The following EMC8 variants were observed in gnomAD, a reference collection of about 807,000 sequenced individuals.
EMC8 encodes the protein ER membrane protein complex subunit 8.
Under a neutral mutation model 24.3 loss-of-function variants are expected in EMC8, and 11 were observed. The observed-to-expected ratio is 0.45, with a 90% confidence interval of 0.28 to 0.75. EMC8 has a LOEUF of 0.75. Among genes scored for constraint, EMC8 ranks in the 30% least tolerant of loss-of-function variants. The pLI is 0.12. For missense variants in EMC8, 277 were observed against 282.7 expected, an observed-to-expected ratio of 0.98 and a Z score of 0.14; for synonymous variants, 145 against 117.7, an observed-to-expected ratio of 1.23 and a Z score of -1.50.
At chr16:85,783,644 T>C (rs301171) in intron 2 of EMC8, among the ~76,000 whole-genome samples, 103,945 of 152,094 alleles carry the variant, frequency 0.68, 37,231 homozygotes, top group Non-Finnish European at 0.8. Context: ...TGAGCTACCG[T>C]GTGCAGCCAC....
chr16:85,786,193 G>A (rs190824981), intron 2 of EMC8, among the ~76,000 whole-genome samples: 6 of 152,344 alleles, frequency 3.9e-5, no homozygotes, highest in African/African-American at 1.2e-4. Flanking sequence ...CAGGGCCACA[G>A]AGGCCCAAGG....
chr16:85,796,143 C>T (rs1354467669), intron 1 of EMC8, among the ~76,000 whole-genome samples: 1 of 152,128 alleles, frequency 6.6e-6, no homozygotes, highest in Non-Finnish European at 1.5e-5. Flanking sequence ...CATTCTTCAC[C>T]TTTCAACCTA....
At chr16:85,786,660 A>G (rs1904768118) in intron 2 of EMC8, among the ~76,000 whole-genome samples, 1 of 152,190 alleles carries the variant, frequency 6.6e-6, no homozygotes, top group Non-Finnish European at 1.5e-5. Flanking sequence ...GGATGCATTT[A>G]AAAGTCAGTA....
chr16:85,791,881 C>T (rs1024745626), intron 1 of EMC8, among the ~76,000 whole-genome samples: 4 of 152,182 alleles, frequency 2.6e-5, no homozygotes, highest in Non-Finnish European at 5.9e-5. Flanking sequence ...ACCCTCAAGC[C>T]CTTAACTTAA....
rs1313152754 is a variant in EMC8, at chr16:85,789,027, A to G, written c.255T>C (p.His85=). The G allele has an allele frequency of 6.2e-7, 1 of 1,613,784 alleles. No individual in the cohort carries two copies. Among genetic ancestry groups the G allele is most frequent in the South Asian group, 1.1e-5 (1 of 91,082 alleles). ...LTLIDSWCKD[H]SYVIAGYYQA... ...GATAATAACCAGCAATCACGTAGCT[A>G]TGATCTTTGCACCATGAATCAATCT... Residue 85 remains histidine, a synonymous_variant, in exon 2 of 5, where the codon CAT becomes CAC. Coordinates refer to ENST00000253457, the MANE Select transcript of EMC8 (RefSeq NM_006067.5).
chr16:85,791,601 G>A (rs1184180550), intron 1 of EMC8, among the ~76,000 whole-genome samples: 1 of 152,200 alleles, frequency 6.6e-6, no homozygotes, highest in African/African-American at 2.4e-5. Flanking sequence ...TGCTGAGGAT[G>A]ATGCCAGCCA....
At position 85,779,700 on chromosome 16, in the gene EMC8, G is replaced by A. The variant is rs1904398544; in HGVS notation, c.*8C>T. ...AAAGGCCCGGAGCCCAGTCACAGCG[G>A]TGCCTGCCTAGCACAAGTGTAGGAC... On this transcript the variant is annotated 3_prime_UTR_variant, in exon 5 of 5. Coordinates refer to ENST00000253457, the MANE Select transcript of EMC8 (RefSeq NM_006067.5). The A allele has an allele frequency of 8.7e-6, 14 of 1,613,662 alleles. No individual in the cohort carries two copies. The highest frequency in any genetic ancestry group is 1.1e-5 in the Non-Finnish European group (13 of 1,179,660).
At position 85,789,474 on chromosome 16, in the gene EMC8, A is replaced by C. The variant is rs1419773320; in HGVS notation, c.232-424T>G. On this transcript the variant is annotated intron_variant, in intron 1 of 4. Transcript: ENST00000253457. ...CACAACCAGATAGAAACAGAGCCAGAAGGGAATCTCAGTCTCTTTCAAAAC... is the reference window on the plus strand; with the variant it reads ...CACAACCAGATAGAAACAGAGCCAGCAGGGAATCTCAGTCTCTTTCAAAAC... Among the ~76,000 whole-genome samples the C allele has an allele frequency of 5.9e-5, 9 of 152,292 alleles. No individual in the cohort carries two copies. In the East Asian group the frequency reaches 1.7e-3, roughly 29 times the overall value.
chr16:85,798,125 T>G (rs905716165), intron 1 of EMC8, among the ~76,000 whole-genome samples: 1 of 141,254 alleles, frequency 7.1e-6, no homozygotes, highest in Non-Finnish European at 1.5e-5. Context: ...TTTTTTTTTT[T>G]TTTTTTTTTT....
chr16:85,795,565 C>T (rs555047027), intron 1 of EMC8, among the ~76,000 whole-genome samples: 1 of 152,192 alleles, frequency 6.6e-6, no homozygotes, highest in South Asian at 2.1e-4. Context: ...AGGAGAGGGT[C>T]CCCCCTAGAC....
chr16:85,788,862 G>A (rs1904873610), intron 2 of EMC8, 112 bp downstream of exon 2: 2 of 767,916 alleles, frequency 2.6e-6, no homozygotes, highest in Non-Finnish European at 2.4e-6. Context: ...AGCACAGAGG[G>A]AAGGGGTGTA....
Position 85,799,528 on chromosome 16 carries a change from C to G in EMC8, c.-233G>C, listed in dbSNP as rs1254212117. ...CCAGACTCCAGTCGCGCTTCTCGCC[C>G]GGCGCCGCCGGAAAGCAGCCTCTCC... On this transcript the variant is annotated 5_prime_UTR_variant, in exon 1 of 5. Transcript: ENST00000253457. The surrounding 1 kb of genome is among the most constrained non-coding windows in gnomAD (Gnocchi z 4.2). 2.6e-6 allele frequency: 1 copy of G among 378,792 alleles called. No homozygotes were observed. The highest frequency in any genetic ancestry group is 2.1e-5 in the African/African-American group (1 of 47,500). 23.5% of individuals were successfully genotyped at this position (378,792 alleles called of 1,614,324 possible).
At chr16:85,781,079 C>A in intron 3 of EMC8, 132 bp downstream of exon 3, 1 of 652,276 alleles carries the variant, frequency 1.5e-6, no homozygotes, top group South Asian at 1.8e-5. Flanking sequence ...GAGAAAACTG[C>A]AAGAGGCGGC....
At chr16:85,780,528 G>A (rs775479701) in intron 3 of EMC8, 55 bp from the exon 4 acceptor site, 240 of 1,346,764 alleles carry the variant, frequency 1.8e-4, no homozygotes, top group Non-Finnish European at 2.3e-4. Flanking sequence ...AAACAGCAGC[G>A]GCAGGCGCCT....
chr16:85,799,013 C>G lies in EMC8; in HGVS notation c.231+52G>C. The G allele has an allele frequency of 7.7e-7, 1 of 1,293,446 alleles. No homozygotes were observed. Among genetic ancestry groups the G allele is most frequent in the East Asian group, 2.5e-5 (1 of 39,488 alleles). 80.1% of individuals were successfully genotyped at this position (1,293,446 alleles called of 1,614,324 possible). On this transcript the variant is annotated intron_variant, in intron 1 of 4. Coordinates refer to ENST00000253457, the MANE Select transcript of EMC8 (RefSeq NM_006067.5). This position sits in a 1 kb window ranked among gnomAD's most constrained non-coding sequence, Gnocchi z 4.2. ...GCTGGGCCAGCTTCCTCTCTGCTGACTGAGGGGAGGCCAGGCTGCCTGCAA... is the reference window on the plus strand; with the variant it reads ...GCTGGGCCAGCTTCCTCTCTGCTGAGTGAGGGGAGGCCAGGCTGCCTGCAA...
At chr16:85,785,399 G>A (rs748226861) in intron 2 of EMC8, among the ~76,000 whole-genome samples, 124 of 152,136 alleles carry the variant, frequency 8.2e-4, no homozygotes, top group Non-Finnish European at 3.2e-4. Context: ...GTGAAACCCC[G>A]TCTCTACTAA....
chr16:85,785,394 A>AC (rs1567828388), intron 2 of EMC8, among the ~76,000 whole-genome samples: 2 of 151,768 alleles, frequency 1.3e-5, no homozygotes, highest in Non-Finnish European at 2.9e-5. Context: ...ACACGGTGAA[A>AC]CCCCGTCTCT....
intron 2 of EMC8, among the ~76,000 whole-genome samples, chr16:85,787,000 CCT>C (rs980361561): frequency 3.9e-5 from 6 of 152,194 alleles, no homozygotes; most frequent in African/African-American, 1.4e-4. Flanking sequence ...TGCCCAGTCT[CCT>C]CTCCCTTCTG....
At chr16:85,780,866 A>G in intron 3 of EMC8, 3 of 443,470 alleles carry the variant, frequency 6.8e-6, no homozygotes, top group Non-Finnish European at 8.3e-6. Context: ...TTCAGACCAG[A>G]ATCATCTAGA....
Sources: gnomAD v4.1 joint callset for allele counts (sites outside exome capture counted in the v4.1 genomes callset) on GRCh38, gnomAD v4.1.1 for gene constraint, Gnocchi (gnomAD v3.1) non-coding constraint, MANE v1.5 for transcripts, NCBI Gene and HGNC (gene_info 2026-07-23, HGNC 2026-07-21) for gene names.